The following CDH13 variants were observed in gnomAD, a reference collection of about 807,000 sequenced individuals.
CDH13 encodes the protein cadherin-13.
In CDH13, 24 loss-of-function variants were observed where a neutral mutation model predicts 63.8. The ratio of observed to expected loss-of-function variants is 0.38; its 90% CI spans 0.27 to 0.53. The LOEUF (loss-of-function observed/expected upper bound fraction) is 0.53. CDH13 is among the 20% of genes least tolerant of loss of function. The pLI, the probability that CDH13 is intolerant of heterozygous loss-of-function variation, is 0.85. For missense variants in CDH13, 1,049 were observed against 903.1 expected (o/e 1.16, Z -2.07); for synonymous variants, 503 against 355.3 (o/e 1.42, Z -4.67).
Position 82,671,046 on chromosome 16 carries a change from G to A in CDH13, c.45+43909G>A, listed in dbSNP as rs531661260. Among the ~76,000 whole-genome samples, 10 of 152,244 alleles carry A rather than the reference G, an allele frequency of 6.6e-5. No individual in the cohort carries two copies. The South Asian group carries it at 1.5e-3, about 22-fold the overall frequency. On this transcript the variant is annotated intron_variant, in intron 1 of 13. Coordinates refer to ENST00000567109, the MANE Select transcript of CDH13 (RefSeq NM_001257.5). The stretch of plus-strand genomic sequence containing the variant: ...CAAGCACTTTTCATATATGATCTTG[G>A]TAAATCCTCATGCCAGCCTTTCGTG...
At chr16:82,909,464 T>A (rs1428674431) in intron 2 of CDH13, among the ~76,000 whole-genome samples, 2 of 151,946 alleles carry the variant, frequency 1.3e-5, no homozygotes, top group African/African-American at 4.8e-5. Context: ...GGACATTGTA[T>A]TAGTCTGTTC....
chr16:83,737,538 G>A (rs1800543459), intron 10 of CDH13, among the ~76,000 whole-genome samples: 1 of 151,796 alleles, frequency 6.6e-6, no homozygotes, highest in Non-Finnish European at 1.5e-5. Context: ...TTGCCATCCT[G>A]TAAATTCCAG....
At chr16:82,728,403 C>G (rs1352315778) in intron 1 of CDH13, among the ~76,000 whole-genome samples, 4 of 151,694 alleles carry the variant, frequency 2.6e-5, no homozygotes, top group Non-Finnish European at 5.9e-5. Flanking sequence ...TGGTTCTAGA[C>G]CACAGCAATA....
chr16:82,875,086 G>C (rs928171004), intron 2 of CDH13, among the ~76,000 whole-genome samples: 3 of 152,176 alleles, frequency 2.0e-5, no homozygotes, highest in Non-Finnish European at 4.4e-5. Context: ...TGCTTCCAAG[G>C]TTTTGTTCAT....
intron 6 of CDH13, among the ~76,000 whole-genome samples, chr16:83,352,991 C>A (rs1296689029): frequency 6.6e-6 from 1 of 152,338 alleles, no homozygotes; most frequent in South Asian, 2.1e-4. Context: ...ATACTGCATG[C>A]TCTCACTTAT....
At chr16:82,986,214 A>G (rs1448618038) in intron 2 of CDH13, among the ~76,000 whole-genome samples, 1 of 152,312 alleles carries the variant, frequency 6.6e-6, no homozygotes, top group Non-Finnish European at 1.5e-5. Flanking sequence ...TACTGTCCCT[A>G]GGATGCTGTG....
At chr16:82,802,749 C>A (rs1409954510) in intron 1 of CDH13, among the ~76,000 whole-genome samples, 1 of 150,406 alleles carries the variant, frequency 6.6e-6, no homozygotes, top group Non-Finnish European at 1.5e-5. Flanking sequence ...TGAACAGCAA[C>A]CCTTACCAGA....
At chr16:82,838,851 A>G (rs1194181485) in intron 1 of CDH13, among the ~76,000 whole-genome samples, 1 of 152,152 alleles carries the variant, frequency 6.6e-6, no homozygotes, top group East Asian at 1.9e-4. Flanking sequence ...CTCTGGCCTT[A>G]TGTAAAGGTC....
At chr16:83,648,980 A>C (rs547700286) in intron 8 of CDH13, among the ~76,000 whole-genome samples, 1 of 152,158 alleles carries the variant, frequency 6.6e-6, no homozygotes, top group African/African-American at 2.4e-5. Flanking sequence ...CTATCTGGCA[A>C]TTCCCACTGG....
At chr16:83,014,446 A>G (rs1300436669) in intron 2 of CDH13, among the ~76,000 whole-genome samples, 7 of 151,356 alleles carry the variant, frequency 4.6e-5, no homozygotes, top group Admixed American at 4.6e-4. Flanking sequence ...GTATAAAGGT[A>G]TTTGTGGCCG....
At chr16:83,147,153 G>C (rs571521464) in intron 4 of CDH13, among the ~76,000 whole-genome samples, 1 of 152,150 alleles carries the variant, frequency 6.6e-6, no homozygotes, top group Admixed American at 6.5e-5. Context: ...CATGATTTTT[G>C]AGATGTGTGA....
At chr16:82,766,631 C>T (rs942596151) in intron 1 of CDH13, among the ~76,000 whole-genome samples, 1 of 152,164 alleles carries the variant, frequency 6.6e-6, no homozygotes, top group Non-Finnish European at 1.5e-5. Flanking sequence ...AGTGGTCACT[C>T]TATCATAATA....
At chr16:83,534,695 G>A (rs967032254) in intron 7 of CDH13, among the ~76,000 whole-genome samples, 1 of 152,214 alleles carries the variant, frequency 6.6e-6, no homozygotes, top group Non-Finnish European at 1.5e-5. Context: ...TGTATGGATA[G>A]GCCACATTTT....
At chr16:83,419,969 G>A (rs915573167) in intron 6 of CDH13, among the ~76,000 whole-genome samples, 1 of 150,148 alleles carries the variant, frequency 6.7e-6, no homozygotes, top group Non-Finnish European at 1.5e-5. Flanking sequence ...AATACTATAT[G>A]CATAGATTTT....
chr16:83,009,091 TG>T (rs529088027), intron 2 of CDH13, among the ~76,000 whole-genome samples: 102 of 152,282 alleles, frequency 6.7e-4, no homozygotes, highest in African/African-American at 2.3e-3. Flanking sequence ...TTCTACCCCA[TG>T]TGGGGATTAT....
intron 6 of CDH13, among the ~76,000 whole-genome samples, chr16:83,397,702 G>C (rs2306906): frequency 6.6e-6 from 1 of 151,976 alleles, no homozygotes; most frequent in Non-Finnish European, 1.5e-5. Context: ...ATGCCTATGT[G>C]AAAGTAAAGA....
chr16:82,659,096 A>G lies in CDH13; in HGVS notation c.45+31959A>G, dbSNP rs549255970. Among the ~76,000 whole-genome samples the G allele has an allele frequency of 9.9e-5, 15 of 152,260 alleles. No individual in the cohort carries two copies. In the South Asian group the frequency reaches 2.7e-3, roughly 27 times the overall value. The stretch of plus-strand genomic sequence containing the variant: ...GGTAATATGCTTCCCATTATACAGA[A>G]AGTAATGCCAGAAGAAAACAGTGCA... On this transcript the variant is annotated intron_variant, in intron 1 of 13. Coordinates refer to ENST00000567109, the MANE Select transcript of CDH13 (RefSeq NM_001257.5).
chr16:83,180,913 G>A (rs1425100269), intron 4 of CDH13: 3 of 1,531,604 alleles, frequency 2.0e-6, no homozygotes, highest in Non-Finnish European at 2.6e-6. Flanking sequence ...TTGAATGAAG[G>A]CATTACAGCA....
intron 3 of CDH13, among the ~76,000 whole-genome samples, chr16:83,067,215 G>A (rs956501302): frequency 6.6e-6 from 1 of 152,174 alleles, no homozygotes; most frequent in Admixed American, 6.5e-5. Context: ...AGCAGCAGAA[G>A]GCAACTGACT....
Sources: allele counts gnomAD v4.1 joint callset (sites outside exome capture counted in the v4.1 genomes callset), GRCh38; gene constraint gnomAD v4.1.1; transcripts MANE v1.5; gene names NCBI Gene and HGNC (gene_info 2026-07-23, HGNC 2026-07-21).